MAPT: variants seen among roughly 807,000 people sequenced by gnomAD.
The protein encoded by MAPT is microtubule-associated protein tau.
A neutral mutation model predicts 67.9 loss-of-function variants in MAPT; 34 were observed. That is an observed-to-expected ratio of 0.50 (90% CI 0.38 to 0.67). MAPT has a LOEUF of 0.67. Among genes scored for constraint, MAPT ranks in the 30% least tolerant of loss-of-function variants. The probability of loss-of-function intolerance (pLI) is 0.00; values close to 1 mark genes in which losing one functional copy is unlikely to be tolerated. For missense variants in MAPT, 881 were observed against 1,115.2 expected (o/e 0.79, Z 2.99); for synonymous variants, 456 against 464.5 (o/e 0.98, Z 0.23).
At chr17:45,926,920 TATATACAC>T (rs1387018132) in intron 1 of MAPT, among the ~76,000 whole-genome samples, 4 of 149,982 alleles carry the variant, frequency 2.7e-5, no homozygotes, top group Non-Finnish European at 6.0e-5. Flanking sequence ...TGTGTGTATA[TATATACAC>T]ATATATACAC....
At chr17:46,013,620 G>A (rs2075970594) in intron 10 of MAPT, among the ~76,000 whole-genome samples, 1 of 152,206 alleles carries the variant, frequency 6.6e-6, no homozygotes, top group South Asian at 2.1e-4. Context: ...GGTGCCTGCT[G>A]GTTCTCACGT....
chr17:45,919,851 T>C (rs1208729938), intron 1 of MAPT, among the ~76,000 whole-genome samples: 1 of 152,230 alleles, frequency 6.6e-6, no homozygotes, highest in Non-Finnish European at 1.5e-5. Context: ...AGTTTGAGGC[T>C]GCAGTGAGCT....
chr17:45,907,312 G>A (rs149038243), intron 1 of MAPT, among the ~76,000 whole-genome samples: 100 of 152,054 alleles, frequency 6.6e-4, no homozygotes, highest in African/African-American at 2.2e-3. Flanking sequence ...CATCTTCCCC[G>A]AAGCTTTCCC....
intron 12 of MAPT, among the ~76,000 whole-genome samples, chr17:46,020,815 G>A (rs2076484031): frequency 6.6e-6 from 1 of 152,156 alleles, no homozygotes; most frequent in Non-Finnish European, 1.5e-5. Flanking sequence ...TGTAGGAATT[G>A]TGGGAACTAC....
chr17:46,005,589 A>T (rs1426018929), intron 9 of MAPT, among the ~76,000 whole-genome samples: 2 of 151,640 alleles, frequency 1.3e-5, no homozygotes, highest in Admixed American at 1.3e-4. Flanking sequence ...CATTAAAACT[A>T]TTTTTTTTTA....
intron 1 of MAPT, among the ~76,000 whole-genome samples, chr17:45,913,083 G>A (rs1222539087): frequency 2.0e-5 from 3 of 152,194 alleles, no homozygotes; most frequent in Admixed American, 6.5e-5. Context: ...GTATTAGTCC[G>A]TTTTCACGCT....
At chr17:45,999,597 C>T (rs768446968) in intron 9 of MAPT, 17 of 1,612,154 alleles carry the variant, frequency 1.1e-5, no homozygotes, top group East Asian at 2.2e-5. Context: ...AGAACTGTCC[C>T]TCCCACCCTG....
At position 46,014,223 on chromosome 17, in the gene MAPT, T is replaced by G. The variant is rs758436880; in HGVS notation, c.2092-20T>G. 5.4e-6 allele frequency: 8 copies of G among 1,478,792 alleles called. No homozygotes were observed. The highest frequency in any genetic ancestry group is 4.5e-5 in the South Asian group (4 of 88,048). 91.6% of individuals were successfully genotyped at this position (1,478,792 alleles called of 1,614,324 possible). On this transcript the variant is annotated intron_variant, in intron 10 of 12. Coordinates refer to ENST00000262410, the MANE Select transcript of MAPT (RefSeq NM_001377265.1). ...CTCTCTCTGCCTTTCCTCTTCTCTC[T>G]CCTCCTCTCTCATCTCCAGGTGCAA...
At position 45,983,269 on chromosome 17, in the gene MAPT, G is replaced by A. The variant is rs551008482; in HGVS notation, c.690G>A (p.Gly230=). The A allele has an allele frequency of 1.9e-6, 3 of 1,599,144 alleles. No individual in the cohort carries two copies. In the African/African-American group the frequency reaches 4.0e-5, roughly 21 times the overall value. The part of the protein sequence containing the change: ...LSHQLMSGMP[G]APLLPEGPRE... ...ACCAGCTCATGTCCGGCATGCCTGG[G>A]GCTCCCCTCCTGCCTGAGGGCCCCA... is the stretch of plus-strand genomic sequence containing the variant. Residue 230 remains glycine, a synonymous_variant, in exon 5 of 13, where the codon GGG becomes GGA. Transcript: ENST00000262410.
In MAPT at chr17:45,983,023, C is replaced by G. The variant is rs953427852; in HGVS notation, c.444C>G (p.Thr148=). 1 of 1,474,952 alleles carries G rather than the reference C, an allele frequency of 6.8e-7. No individual in the cohort carries two copies. Among genetic ancestry groups the G allele is most frequent in the African/African-American group, 1.4e-5 (1 of 70,730 alleles). 91.4% of individuals were successfully genotyped at this position (1,474,952 alleles called of 1,614,324 possible). The change falls in exon 5 of 13, where the codon ACC becomes ACG. Residue 148 remains threonine (T), a synonymous_variant. Coordinates refer to ENST00000262410, the MANE Select transcript of MAPT (RefSeq NM_001377265.1). The part of the protein sequence containing the change: ...EKEPEAPVPL[T]ASLPQHRPVC... The stretch of plus-strand genomic sequence containing the variant: ...AGCCAGAAGCTCCCGTCCCGCTGAC[C>G]GCGAGCCTTCCTCAGCACCGTCCCG...
chr17:45,992,664 G>A (rs2074156482), intron 8 of MAPT, among the ~76,000 whole-genome samples: 1 of 152,094 alleles, frequency 6.6e-6, no homozygotes, highest in African/African-American at 2.4e-5. Context: ...CAAGGTGGGC[G>A]GATCACCTGA....
intron 3 of MAPT, chr17:45,974,947 C>T (rs898411327): frequency 6.5e-5 from 11 of 168,892 alleles, no homozygotes; most frequent in African/African-American, 2.6e-4. Flanking sequence ...CCCAGAGGAG[C>T]TCAGACATGC....
intron 8 of MAPT, among the ~76,000 whole-genome samples, chr17:45,993,105 G>C (rs1287692591): frequency 2.0e-5 from 3 of 152,258 alleles, no homozygotes; most frequent in Admixed American, 1.3e-4. Context: ...AGCCTGGCCT[G>C]GATCTTGGAT....
At chr17:45,907,535 T>G (rs2064407829) in intron 1 of MAPT, 1 of 152,190 alleles carries the variant, frequency 6.6e-6, no homozygotes, top group Non-Finnish European at 1.5e-5. Context: ...CTCAAAACCC[T>G]CTTTATTAAC....
chr17:45,983,777 G>T lies in MAPT; in HGVS notation c.1198G>T (p.Ala400Ser). The T allele has an allele frequency of 6.2e-7, 1 of 1,614,070 alleles. No homozygotes were observed. The highest frequency in any genetic ancestry group is 8.5e-7 in the Non-Finnish European group (1 of 1,180,000). The change falls in exon 5 of 13, where the codon GCT becomes TCT. Residue 400 changes from alanine (A) to serine (S), a missense_variant. Physicochemically the swap from Ala to Ser is moderately conservative, Grantham distance 99. Around this residue, in one of 6 missense-constraint regions of MAPT, gnomAD observed 687 missense variants for 766.1 expected, o/e 0.90. Coordinates refer to ENST00000262410, the MANE Select transcript of MAPT (RefSeq NM_001377265.1). The stretch of plus-strand genomic sequence containing the variant: ...GCACTCGGAGGAGCATTTGGGAAGG[G>T]CTGCATTTCCAGGGGCCCCTGGAGA... Reference protein sequence around the residue: ...QAHSEEHLGRAAFPGAPGEGP... With the variant: ...QAHSEEHLGRSAFPGAPGEGP...
chr17:46,001,754 C>T (rs1230551809), intron 9 of MAPT, among the ~76,000 whole-genome samples: 3 of 152,194 alleles, frequency 2.0e-5, no homozygotes, highest in Non-Finnish European at 4.4e-5. Context: ...GCACCAGGCT[C>T]TGTGCTAAGA....
intron 1 of MAPT, among the ~76,000 whole-genome samples, chr17:45,943,735 C>G (rs2144967153): frequency 6.6e-6 from 1 of 152,344 alleles, no homozygotes; most frequent in South Asian, 2.1e-4. Context: ...GCCAGGCCCT[C>G]TGTCCCCCCA....
At chr17:45,933,776 C>A (rs995037292) in intron 1 of MAPT, among the ~76,000 whole-genome samples, 2 of 151,610 alleles carry the variant, frequency 1.3e-5, no homozygotes. Context: ...TCTTCCCAGA[C>A]AGGAAGAAGC....
chr17:45,909,869 CAAAAAAA>C lies in MAPT; in HGVS notation c.-18+15201_-18+15207del, dbSNP rs59131080. Among the ~76,000 whole-genome samples the C allele has an allele frequency of 6.2e-3, 369 of 59,846 alleles. 1 individual carries two copies. The highest frequency in any genetic ancestry group is 0.025 in the Middle Eastern group (2 of 80). 39.3% of individuals were successfully genotyped at this position (59,846 alleles called of 152,430 possible). On this transcript the variant is annotated intron_variant, in intron 1 of 12. Coordinates refer to ENST00000262410, the MANE Select transcript of MAPT (RefSeq NM_001377265.1). Reference sequence around the variant, plus strand: ...TGGTTGACAGAGCAAGACTCTGTCTCAAAAAAAAAAAAAAAAAAAAAAAAGCCATGCC... The same window carrying C: ...TGGTTGACAGAGCAAGACTCTGTCTCAAAAAAAAAAAAAAAAAGCCATGCC...
Sources: allele counts gnomAD v4.1 joint callset (sites outside exome capture counted in the v4.1 genomes callset), GRCh38; gene constraint gnomAD v4.1.1; regional missense constraint gnomAD v4.1.1; transcripts MANE v1.5; gene names NCBI Gene and HGNC (gene_info 2026-07-23, HGNC 2026-07-21).